Variants in WDR36 observed in about 807,000 individuals in gnomAD.
WDR36 encodes the protein WD repeat-containing protein 36.
In WDR36, 63 loss-of-function variants were observed where a neutral mutation model predicts 112.7. That is an observed-to-expected ratio of 0.56 (90% confidence interval 0.46 to 0.69). The LOEUF is 0.69. WDR36 is among the 30% of genes least tolerant of loss of function. WDR36 has a pLI of 0.00. For missense variants in WDR36, 1,226 were observed against 1,070.3 expected (o/e 1.15, Z -2.03); for synonymous variants, 410 against 362.2 (o/e 1.13, Z -1.50).
At chr5:111,117,351 A>G (rs1057095117) in intron 16 of WDR36, among the ~76,000 whole-genome samples, 3 of 152,032 alleles carry the variant, frequency 2.0e-5, no homozygotes, top group African/African-American at 7.2e-5. Context: ...AAATTGAGAG[A>G]GGCGTTTTAC....
In WDR36 at chr5:111,111,292, T is replaced by A; in HGVS notation, c.1716+14T>A. On this transcript the variant is annotated intron_variant, in intron 15 of 22. Transcript: ENST00000513710. ...ATAAATGACATGGTAAAACAAACTC[T>A]AACTAATAAAACTTGACTCATTTCT... 6.3e-7 allele frequency: 1 copy of A among 1,597,362 alleles called. No individual in the cohort carries two copies. The highest frequency in any genetic ancestry group is 8.6e-7 in the Non-Finnish European group (1 of 1,165,254).
intron 10 of WDR36, among the ~76,000 whole-genome samples, chr5:111,105,598 C>T (rs983027120): frequency 2.0e-5 from 3 of 151,496 alleles, no homozygotes; most frequent in Non-Finnish European, 4.4e-5. Context: ...ATACTGCTGC[C>T]ACCCAAAAGA....
In WDR36 at chr5:111,127,333, A is replaced by C. The variant is rs886059767; in HGVS notation, c.*450A>C. ...ATTTTTTGAGTATCTGTTTCATATAAAGAGATGCTGCATGTTCACTGTGAA... is the reference window on the plus strand; with the variant it reads ...ATTTTTTGAGTATCTGTTTCATATACAGAGATGCTGCATGTTCACTGTGAA... On this transcript the variant is annotated 3_prime_UTR_variant, in exon 23 of 23. Transcript: ENST00000513710. The C allele has an allele frequency of 4.3e-4, 88 of 205,360 alleles. 1 individual carries two copies. Among genetic ancestry groups the C allele is most frequent in the African/African-American group, 1.6e-3 (69 of 43,932 alleles). 12.7% of individuals were successfully genotyped at this position (205,360 alleles called of 1,614,324 possible).
intron 16 of WDR36, among the ~76,000 whole-genome samples, chr5:111,116,409 C>T (rs1260414608): frequency 6.6e-6 from 1 of 152,134 alleles, no homozygotes; most frequent in African/African-American, 2.4e-5. Flanking sequence ...GCAGAAACAT[C>T]CCCTTCTTCC....
In WDR36 at chr5:111,104,772, A is replaced by G. The variant is rs1753191263; in HGVS notation, c.982A>G (p.Asn328Asp). 6.2e-7 allele frequency: 1 copy of G among 1,611,350 alleles called. No individual in the cohort carries two copies. The highest frequency in any genetic ancestry group is 1.1e-5 in the South Asian group (1 of 91,046). Residue 328 changes from asparagine to aspartate, a missense_variant, in exon 9 of 23, where the codon AAT becomes GAT. Asn to Asp is a conservative substitution (Grantham distance 23, BLOSUM62 1). Coordinates refer to ENST00000513710, the MANE Select transcript of WDR36 (RefSeq NM_139281.3). ...FRMGHSAPLT[N>D]IRYYGQNGQQ... ...AATGGGTCATAGTGCTCCTCTTACC[A>G]ATATCAGATATTATGGACAGAATGG...
rs571185214 is a variant in WDR36 at position 111,130,481 on chromosome 5, T to C, written c.*3598T>C. 16 of 173,980 alleles carry C rather than the reference T, an allele frequency of 9.2e-5. No homozygotes were observed. The highest frequency in any genetic ancestry group is 2.3e-3 in the Middle Eastern group (1 of 430). The allele number at this position is 173,980 out of a possible 1,614,324, so 10.8% of individuals were successfully genotyped here. A position where few individuals can be genotyped will look rare whatever the true frequency, so the allele number is the denominator to read the frequency against. On this transcript the variant is annotated 3_prime_UTR_variant, in exon 23 of 23. Transcript: ENST00000513710. Reference sequence around the variant, plus strand: ...TAGATTTTCATATATATATATGATATAATAAACACTTTTTGACATTCTGGG... The same window carrying C: ...TAGATTTTCATATATATATATGATACAATAAACACTTTTTGACATTCTGGG...
At chr5:111,103,457 C>T (rs1041024669) in intron 6 of WDR36, among the ~76,000 whole-genome samples, 1 of 151,728 alleles carries the variant, frequency 6.6e-6, no homozygotes, top group Non-Finnish European at 1.5e-5. Context: ...CCATCCAGTC[C>T]AGTGATCTGT....
At chr5:111,110,046 T>C (rs1056810772) in intron 12 of WDR36, 143 bp from the exon 13 acceptor site, 5 of 660,698 alleles carry the variant, frequency 7.6e-6, no homozygotes, top group South Asian at 3.3e-5. Context: ...AATTACTTTA[T>C]GTTAAAAAAA....
Position 111,100,733 on chromosome 5 carries a change from A to T in WDR36, c.542+12A>T. On this transcript the variant is annotated intron_variant, in intron 5 of 22. Transcript: ENST00000513710. Reference sequence around the variant, plus strand: ...AATGTAAAATCCAAGTAAGTATTTTAGTTAGAAAATAATATAGCTGTCACC... The same window carrying T: ...AATGTAAAATCCAAGTAAGTATTTTTGTTAGAAAATAATATAGCTGTCACC... The T allele has an allele frequency of 6.2e-7, 1 of 1,606,560 alleles. No homozygotes were observed. Among genetic ancestry groups the T allele is most frequent in the Non-Finnish European group, 8.5e-7 (1 of 1,174,976 alleles).
chr5:111,115,392 G>GTTA lies in WDR36; in HGVS notation c.1796+2243_1796+2245dup, dbSNP rs1222992151. 1.1e-4 allele frequency among the ~76,000 whole-genome samples: 16 copies of GTTA among 152,226 alleles called. No individual in the cohort carries two copies. The South Asian group carries it at 3.3e-3, about 32-fold the overall frequency. On this transcript the variant is annotated intron_variant, in intron 16 of 22. Coordinates refer to ENST00000513710, the MANE Select transcript of WDR36 (RefSeq NM_139281.3). ...CTAACAAGTTGTAGGTACTATTACT[G>GTTA]TTATTAGTCCCATTTCAAAAATGAG...
At chr5:111,113,605 T>C (rs1753392912) in intron 16 of WDR36, among the ~76,000 whole-genome samples, 1 of 152,106 alleles carries the variant, frequency 6.6e-6, no homozygotes, top group Non-Finnish European at 1.5e-5. Flanking sequence ...TTTTAGATAG[T>C]CTTAGTGCAT....
rs73786732 is a variant in WDR36 at position 111,108,513 on chromosome 5, A to G, written c.1326+1074A>G. Among the ~76,000 whole-genome samples the G allele has an allele frequency of 9.4e-3, 1,424 of 151,346 alleles. 18 individuals are homozygous for G. The highest frequency in any genetic ancestry group is 0.033 in the African/African-American group (1,380 of 41,358). ...AAAATCCAGTCTTAAGCTTTTATAT[A>G]ATTTTCTAAACCGTAAAGATTCTAT... is the stretch of plus-strand genomic sequence containing the variant. On this transcript the variant is annotated intron_variant, in intron 12 of 22. Transcript: ENST00000513710.
intron 5 of WDR36, among the ~76,000 whole-genome samples, chr5:111,101,176 T>C (rs1753114572): frequency 6.6e-6 from 1 of 151,888 alleles, no homozygotes; most frequent in African/African-American, 2.4e-5. Flanking sequence ...ATATGTTTGC[T>C]TTTGGAGTTG....
chr5:111,097,050 T>C (rs1169300053), intron 2 of WDR36, 29 bp from the exon 3 acceptor site: 1 of 1,543,022 alleles, frequency 6.5e-7, no homozygotes, highest in African/African-American at 1.4e-5. Context: ...TAAAAATCCC[T>C]GTTTCTTTCA....
At chr5:111,092,649 A>C (rs1752890805) in intron 1 of WDR36, 31 bp downstream of exon 1, 1 of 1,600,210 alleles carries the variant, frequency 6.2e-7, no homozygotes, top group South Asian at 1.1e-5. Context: ...GCTTCCCAGG[A>C]AAACCACCCT....
chr5:111,098,289 GGAA>G (rs1753036708), intron 3 of WDR36, among the ~76,000 whole-genome samples: 1 of 150,950 alleles, frequency 6.6e-6, no homozygotes, highest in South Asian at 2.2e-4. Flanking sequence ...AAGGGTATGG[GGAA>G]GAAGACCCTA....
At chr5:111,112,559 C>G (rs1296018669) in intron 15 of WDR36, among the ~76,000 whole-genome samples, 1 of 151,956 alleles carries the variant, frequency 6.6e-6, no homozygotes, top group Non-Finnish European at 1.5e-5. Flanking sequence ...CCCTTAGGTA[C>G]TACAGGCAGA....
chr5:111,123,710 T>G, intron 19 of WDR36, 95 bp from the exon 20 acceptor site: 1 of 1,490,112 alleles, frequency 6.7e-7, no homozygotes, highest in East Asian at 2.3e-5. Context: ...CCTCTTTTAC[T>G]TTTTGGTATT....
chr5:111,120,091 G>A (rs375374299), intron 17 of WDR36, among the ~76,000 whole-genome samples: 54 of 152,202 alleles, frequency 3.5e-4, no homozygotes, highest in African/African-American at 1.2e-3. Context: ...TTCTAGAGAA[G>A]GGGAATCTAT....
Sources: gnomAD v4.1 joint callset for allele counts (sites outside exome capture counted in the v4.1 genomes callset) on GRCh38, gnomAD v4.1.1 for gene constraint, MANE v1.5 for transcripts, NCBI Gene and HGNC (gene_info 2026-07-23, HGNC 2026-07-21) for gene names.